PITPNC1: variants seen among roughly 807,000 people sequenced by gnomAD.
PITPNC1 encodes phosphatidylinositol transfer protein cytoplasmic 1.
In PITPNC1, 18 loss-of-function variants were observed where a neutral mutation model predicts 44.7. That is an observed-to-expected ratio of 0.40 (90% confidence interval 0.28 to 0.60). PITPNC1 has a LOEUF of 0.60. Among genes scored for constraint, PITPNC1 ranks in the 20% least tolerant of loss-of-function variants. PITPNC1 has a pLI of 0.39. For missense variants in PITPNC1, 290 were observed against 418.4 expected, an observed-to-expected ratio of 0.69 and a Z score of 2.68; for synonymous variants, 141 against 149.6, an observed-to-expected ratio of 0.94 and a Z score of 0.42.
intron 2 of PITPNC1, among the ~76,000 whole-genome samples, chr17:67,540,857 A>G (rs1271225248): frequency 6.6e-6 from 1 of 152,366 alleles, no homozygotes; most frequent in East Asian, 1.9e-4. Flanking sequence ...ATCTGGCTAA[A>G]TATCTAGAAG....
At chr17:67,551,081 A>C (rs1391016249) in intron 2 of PITPNC1, among the ~76,000 whole-genome samples, 3 of 151,840 alleles carry the variant, frequency 2.0e-5, no homozygotes, top group Non-Finnish European at 4.4e-5. Flanking sequence ...AAAACAAAAC[A>C]AACAAAAAAG....
intron 4 of PITPNC1, among the ~76,000 whole-genome samples, chr17:67,559,592 A>G (rs912297756): frequency 1.3e-5 from 2 of 152,192 alleles, no homozygotes; most frequent in African/African-American, 2.4e-5. Flanking sequence ...CCTTGTGGAG[A>G]AGAGGACAGT....
At chr17:67,518,377 G>T (rs1009013240) in intron 1 of PITPNC1, among the ~76,000 whole-genome samples, 2 of 152,136 alleles carry the variant, frequency 1.3e-5, no homozygotes, top group Admixed American at 1.3e-4. Context: ...ATTTCCAGGG[G>T]ATGCCTTCCA....
chr17:67,569,236 AC>A (rs774956448), intron 4 of PITPNC1, among the ~76,000 whole-genome samples: 1 of 152,084 alleles, frequency 6.6e-6, no homozygotes, highest in Non-Finnish European at 1.5e-5. Context: ...TGCCATAGCA[AC>A]CCTAATCGAT....
At chr17:67,604,518 C>CA (rs1394015321) in intron 5 of PITPNC1, among the ~76,000 whole-genome samples, 11 of 152,254 alleles carry the variant, frequency 7.2e-5, no homozygotes, top group African/African-American at 2.4e-4. Context: ...CACGGTCACT[C>CA]ACGCCTGTAA....
chr17:67,377,907 C>G lies in PITPNC1; in HGVS notation c.-248C>G. 2.5e-6 allele frequency: 1 copy of G among 404,362 alleles called. No homozygotes were observed. Among genetic ancestry groups the G allele is most frequent in the Non-Finnish European group, 4.3e-6 (1 of 230,144 alleles). 25.0% of individuals were successfully genotyped at this position (404,362 alleles called of 1,614,324 possible). On this transcript the variant is annotated 5_prime_UTR_variant, in exon 1 of 9. Coordinates refer to ENST00000581322, the MANE Select transcript of PITPNC1 (RefSeq NM_012417.4). The stretch of plus-strand genomic sequence containing the variant: ...TCCCTGCCTCCCTGACTTTGCAACA[C>G]CGCGTTCCGGGAGGACCGGCCTCGG...
In PITPNC1 at chr17:67,431,062, C is replaced by CTTT. The variant is rs6146118; in HGVS notation, c.48+52872_48+52874dup. Reference sequence around the variant, plus strand: ...TTTTTACTCTTTTTAGTTACTGTTTCTTTTTTTTTTTTTTGCGATGGAATA... The same window carrying CTTT: ...TTTTTACTCTTTTTAGTTACTGTTTCTTTTTTTTTTTTTTTTTGCGATGGAATA... On this transcript the variant is annotated intron_variant, in intron 1 of 8. Coordinates refer to ENST00000581322, the MANE Select transcript of PITPNC1 (RefSeq NM_012417.4). Among the ~76,000 whole-genome samples, 157 of 133,056 alleles carry CTTT rather than the reference C, an allele frequency of 1.2e-3. 5 individuals carry two copies. Among genetic ancestry groups the CTTT allele is most frequent in the African/African-American group, 3.0e-3 (109 of 36,076 alleles). The allele number at this position is 133,056 out of a possible 152,430, so 87.3% of individuals were successfully genotyped here.
At chr17:67,683,767 C>T (rs2042757378) in intron 8 of PITPNC1, among the ~76,000 whole-genome samples, 2 of 151,896 alleles carry the variant, frequency 1.3e-5, no homozygotes, top group Non-Finnish European at 2.9e-5. Context: ...CACTTGAGGT[C>T]AGGAGTTCGA....
At chr17:67,501,689 G>A (rs1013001147) in intron 1 of PITPNC1, among the ~76,000 whole-genome samples, 21 of 152,038 alleles carry the variant, frequency 1.4e-4, no homozygotes, top group South Asian at 4.2e-4. Context: ...AAAATGAGCC[G>A]GGATGTGGTG....
At chr17:67,531,896 T>C (rs531751863) in intron 1 of PITPNC1, among the ~76,000 whole-genome samples, 28 of 152,206 alleles carry the variant, frequency 1.8e-4, no homozygotes, top group Admixed American at 6.5e-4. Flanking sequence ...CTCCTTCCTC[T>C]CTCCCCCTCC....
intron 5 of PITPNC1, among the ~76,000 whole-genome samples, chr17:67,588,335 C>T (rs2041349220): frequency 6.6e-6 from 1 of 152,212 alleles, no homozygotes; most frequent in Admixed American, 6.5e-5. Context: ...GCACAGTAGT[C>T]CCTGCTTCTC....
chr17:67,637,627 G>A (rs1317412160), intron 6 of PITPNC1: 1 of 152,190 alleles, frequency 6.6e-6, no homozygotes, highest in East Asian at 1.9e-4. Context: ...AGAGCTTGGA[G>A]TTTTCCACTG....
At chr17:67,530,108 T>C (rs1246442768) in intron 1 of PITPNC1, among the ~76,000 whole-genome samples, 3 of 147,610 alleles carry the variant, frequency 2.0e-5, no homozygotes, top group East Asian at 2.0e-4. Flanking sequence ...TTTTTTTTTT[T>C]TGAGATGGGG....
intron 2 of PITPNC1, among the ~76,000 whole-genome samples, chr17:67,544,094 G>A (rs980235205): frequency 4.6e-5 from 7 of 152,076 alleles, no homozygotes; most frequent in Admixed American, 2.6e-4. Context: ...CAGGTGATCC[G>A]CCCACCTTGG....
intron 1 of PITPNC1, among the ~76,000 whole-genome samples, chr17:67,465,973 G>A (rs980755318): frequency 6.8e-6 from 1 of 147,256 alleles, no homozygotes; most frequent in Admixed American, 6.8e-5. Flanking sequence ...TTTCCCCCCC[G>A]TCAGGCAAGG....
intron 1 of PITPNC1, among the ~76,000 whole-genome samples, chr17:67,398,069 G>A (rs1372155437): frequency 6.7e-6 from 1 of 150,056 alleles, no homozygotes; most frequent in Non-Finnish European, 1.5e-5. Flanking sequence ...CTCCAGCCTG[G>A]GCGACAGAGC....
intron 1 of PITPNC1, among the ~76,000 whole-genome samples, chr17:67,512,520 A>AAAACAGCT (rs2040202090): frequency 6.6e-6 from 1 of 151,688 alleles, no homozygotes; most frequent in Non-Finnish European, 1.5e-5. Context: ...AAAAAAAAAA[A>AAAACAGCT]AAACAGCTGG....
chr17:67,448,422 G>T (rs2039130642), intron 1 of PITPNC1, among the ~76,000 whole-genome samples: 1 of 152,192 alleles, frequency 6.6e-6, no homozygotes, highest in African/African-American at 2.4e-5. Flanking sequence ...AACTGGGGCA[G>T]CTTCCCTGAC....
chr17:67,516,452 T>C (rs1209143619), intron 1 of PITPNC1, among the ~76,000 whole-genome samples: 1 of 152,180 alleles, frequency 6.6e-6, no homozygotes, highest in African/African-American at 2.4e-5. Flanking sequence ...GATTAAATAG[T>C]ATAAATATTT....
Sources: allele counts gnomAD v4.1 joint callset (sites outside exome capture counted in the v4.1 genomes callset), GRCh38; gene constraint gnomAD v4.1.1; transcripts MANE v1.5; gene names NCBI Gene and HGNC (gene_info 2026-07-23, HGNC 2026-07-21).